Variants in PAK5 observed in about 807,000 individuals in gnomAD.
PAK5 encodes the protein p21 (RAC1) activated kinase 5, also known as serine/threonine-protein kinase PAK 5.
A neutral mutation model predicts 65.9 loss-of-function variants in PAK5; 16 were observed. The ratio of observed to expected loss-of-function variants is 0.24; its 90% confidence interval spans 0.16 to 0.37. The LOEUF (loss-of-function observed/expected upper bound fraction) is 0.37, where lower values mean the gene tolerates loss of function less well. Among genes scored for constraint, PAK5 ranks in the 10% least tolerant of loss-of-function variants. PAK5 has a pLI of 1.00. For synonymous variants in PAK5, 371 were observed against 354.9 expected, an observed-to-expected ratio of 1.05 and a Z score of -0.51; for missense variants, 785 against 903.9, an observed-to-expected ratio of 0.87 and a Z score of 1.69.
chr20:9,837,086 A>G (rs913718707), intron 1 of PAK5, among the ~76,000 whole-genome samples: 1 of 152,200 alleles, frequency 6.6e-6, no homozygotes, highest in Non-Finnish European at 1.5e-5. Flanking sequence ...ACTCACATTT[A>G]TTAATAAAAT....
At chr20:9,632,509 G>T (rs1600171901) in intron 3 of PAK5, among the ~76,000 whole-genome samples, 1 of 152,184 alleles carries the variant, frequency 6.6e-6, no homozygotes, top group Non-Finnish European at 1.5e-5. Flanking sequence ...TCTGCAAAGG[G>T]CTCTGAGTAC....
Position 9,807,607 on chromosome 20 carries a change from A to G in PAK5, c.-162+31155T>C, listed in dbSNP as rs2049248291. Reference sequence around the variant, plus strand: ...AAAGTTGAAATAAACTTACAAGTCAATGTGGCAGGGATACTAAAAATTCCC... The same window carrying G: ...AAAGTTGAAATAAACTTACAAGTCAGTGTGGCAGGGATACTAAAAATTCCC... On this transcript the variant is annotated intron_variant, in intron 1 of 9. Transcript: ENST00000353224. Among the ~76,000 whole-genome samples, 4 of 152,038 alleles carry G rather than the reference A, an allele frequency of 2.6e-5. 1 individual carries two copies. The South Asian group carries it at 8.3e-4, about 31-fold the overall frequency.
chr20:9,760,473 A>G (rs1206478598), intron 1 of PAK5, among the ~76,000 whole-genome samples: 1 of 151,920 alleles, frequency 6.6e-6, no homozygotes, highest in Non-Finnish European at 1.5e-5. Context: ...AAAGGTGTGA[A>G]GTGTCAACAT....
intron 1 of PAK5, among the ~76,000 whole-genome samples, chr20:9,732,193 TA>T (rs967461162): frequency 7.5e-5 from 3 of 39,920 alleles, no homozygotes; most frequent in African/African-American, 2.0e-4. Flanking sequence ...AAGTTTAAGT[TA>T]AAAAAAAAGT....
At chr20:9,577,714 C>T (rs2079609890) in intron 4 of PAK5, 1 of 152,198 alleles carries the variant, frequency 6.6e-6, no homozygotes, top group African/African-American at 2.4e-5. Context: ...CTTATCCTCC[C>T]ACAAAACAAA....
chr20:9,712,174 G>A (rs1316500975), intron 1 of PAK5, among the ~76,000 whole-genome samples: 1 of 151,972 alleles, frequency 6.6e-6, no homozygotes, highest in African/African-American at 2.4e-5. Context: ...CCAACATTAA[G>A]CACAAAAATG....
intron 3 of PAK5, among the ~76,000 whole-genome samples, chr20:9,609,657 G>A (rs1188190252): frequency 6.6e-6 from 1 of 152,168 alleles, no homozygotes; most frequent in East Asian, 1.9e-4. Flanking sequence ...TTTGCATTTG[G>A]GCACTGGCCA....
intron 4 of PAK5, among the ~76,000 whole-genome samples, chr20:9,578,454 C>A (rs1310959625): frequency 6.6e-6 from 1 of 152,084 alleles, no homozygotes; most frequent in Non-Finnish European, 1.5e-5. Context: ...TTCCAACATC[C>A]AGGAAGAGCC....
intron 1 of PAK5, among the ~76,000 whole-genome samples, chr20:9,743,739 G>T (rs1157714310): frequency 1.3e-5 from 2 of 152,184 alleles, no homozygotes; most frequent in Non-Finnish European, 2.9e-5. Context: ...TTCTTAAAGA[G>T]TAAGTAAATA....
chr20:9,654,284 T>G (rs1423209121), intron 2 of PAK5, among the ~76,000 whole-genome samples: 1 of 152,152 alleles, frequency 6.6e-6, no homozygotes, highest in African/African-American at 2.4e-5. Context: ...ATCTTTCCCA[T>G]TTTCCTCTGA....
At chr20:9,552,145 C>T (rs2045438331) in intron 7 of PAK5, among the ~76,000 whole-genome samples, 1 of 152,146 alleles carries the variant, frequency 6.6e-6, no homozygotes, top group African/African-American at 2.4e-5. Flanking sequence ...TATATGACAT[C>T]TTCCAAGTTT....
At chr20:9,813,021 T>C (rs1189631921) in intron 1 of PAK5, among the ~76,000 whole-genome samples, 2 of 152,124 alleles carry the variant, frequency 1.3e-5, no homozygotes. Flanking sequence ...AACTATATAG[T>C]ATAACCATAC....
chr20:9,838,567 T>C lies in PAK5; in HGVS notation c.-162+195A>G, dbSNP rs73898617. 6.5e-3 allele frequency among the ~76,000 whole-genome samples: 990 copies of C among 152,166 alleles called. 17 individuals are homozygous for C. The highest frequency in any genetic ancestry group is 0.023 in the African/African-American group (948 of 41,536). On this transcript the variant is annotated intron_variant, in intron 1 of 9. Transcript: ENST00000353224. This position sits in a 1 kb window ranked among gnomAD's most constrained non-coding sequence, Gnocchi z 4.5. ...TGGGTTGAGGGTGGGCGGTCCCCTATCCCTACCCTCCAGGCAGCAGGTCCC... is the reference window on the plus strand; with the variant it reads ...TGGGTTGAGGGTGGGCGGTCCCCTACCCCTACCCTCCAGGCAGCAGGTCCC...
chr20:9,836,802 G>A (rs1979184028), intron 1 of PAK5, among the ~76,000 whole-genome samples: 2 of 152,102 alleles, frequency 1.3e-5, no homozygotes. Flanking sequence ...TTTTCCTGGT[G>A]GTTTAAATTA....
chr20:9,760,062 C>T (rs1464567364), intron 1 of PAK5, among the ~76,000 whole-genome samples: 1 of 152,134 alleles, frequency 6.6e-6, no homozygotes, highest in African/African-American at 2.4e-5. Context: ...TTAAATTGAA[C>T]CATGTAGCTG....
intron 1 of PAK5, among the ~76,000 whole-genome samples, chr20:9,747,666 G>A (rs6087006): frequency 6.6e-6 from 1 of 151,926 alleles, no homozygotes; most frequent in African/African-American, 2.4e-5. Flanking sequence ...CAATAAATTA[G>A]GTATTGATGG....
chr20:9,768,790 C>CAAAA (rs35432047), intron 1 of PAK5, among the ~76,000 whole-genome samples: 7 of 34,866 alleles, frequency 2.0e-4, no homozygotes, highest in Non-Finnish European at 2.9e-4. Context: ...GACTCCATCG[C>CAAAA]AAAAAAAAAA....
intron 1 of PAK5, among the ~76,000 whole-genome samples, chr20:9,834,149 A>T (rs1978963454): frequency 6.6e-6 from 1 of 152,230 alleles, no homozygotes; most frequent in Admixed American, 6.5e-5. Flanking sequence ...AACTTTACTT[A>T]AACATAGGCA....
At chr20:9,739,617 C>T (rs767274057) in intron 1 of PAK5, among the ~76,000 whole-genome samples, 10 of 152,142 alleles carry the variant, frequency 6.6e-5, no homozygotes, top group South Asian at 2.1e-4. Context: ...CATCAATTTT[C>T]GATATGAACC....
Sources: allele counts gnomAD v4.1 joint callset (sites outside exome capture counted in the v4.1 genomes callset), GRCh38; gene constraint gnomAD v4.1.1; non-coding constraint Gnocchi (gnomAD v3.1); transcripts MANE v1.5; gene names NCBI Gene and HGNC (gene_info 2026-07-23, HGNC 2026-07-21).